The following PTPRK variants were observed in gnomAD, a reference collection of about 807,000 sequenced individuals.
PTPRK encodes protein tyrosine phosphatase receptor type K, also known as receptor-type tyrosine-protein phosphatase kappa.
PTPRK carries 75 observed loss-of-function variants against 178.0 expected under a neutral mutation model. The ratio of observed to expected loss-of-function variants is 0.42; its 90% CI spans 0.35 to 0.51. The LOEUF (loss-of-function observed/expected upper bound fraction) is 0.51. Ranked by LOEUF, PTPRK falls within the 20% of genes least tolerant of loss-of-function variation. The probability of loss-of-function intolerance (pLI) is 0.02; values close to 1 mark genes in which losing one functional copy is unlikely to be tolerated. For missense variants in PTPRK, 1,441 were observed against 1,797.8 expected (o/e 0.80, Z 3.59); for synonymous variants, 637 against 620.6 (o/e 1.03, Z -0.39).
At chr6:128,174,562 C>T (rs920199176) in intron 7 of PTPRK, among the ~76,000 whole-genome samples, 3 of 151,730 alleles carry the variant, frequency 2.0e-5, no homozygotes, top group Non-Finnish European at 4.4e-5. Flanking sequence ...AAATTTATTT[C>T]AAAATAATCA....
intron 8 of PTPRK, chr6:128,085,210 G>A (rs560672228): frequency 1.3e-5 from 2 of 152,306 alleles, no homozygotes; most frequent in African/African-American, 4.8e-5. Context: ...ATTGTCAGCC[G>A]AAGACTATGA....
chr6:128,302,878 C>A (rs546269663), intron 3 of PTPRK, among the ~76,000 whole-genome samples: 2 of 152,176 alleles, frequency 1.3e-5, no homozygotes, highest in South Asian at 4.1e-4. Context: ...AAACTTTGAG[C>A]CAATGGCACA....
At chr6:128,332,791 C>A (rs1016719730) in intron 2 of PTPRK, among the ~76,000 whole-genome samples, 1 of 152,114 alleles carries the variant, frequency 6.6e-6, no homozygotes, top group African/African-American at 2.4e-5. Flanking sequence ...TCCTCTATAA[C>A]CCTCCCTCTC....
intron 2 of PTPRK, among the ~76,000 whole-genome samples, chr6:128,389,947 GC>G (rs1399323795): frequency 6.6e-6 from 1 of 152,002 alleles, no homozygotes; most frequent in East Asian, 1.9e-4. Context: ...TCATTAAGTG[GC>G]TTACCCTTCA....
At chr6:128,036,397 G>A (rs1259687892) in intron 13 of PTPRK, among the ~76,000 whole-genome samples, 1 of 152,062 alleles carries the variant, frequency 6.6e-6, no homozygotes, top group African/African-American at 2.4e-5. Flanking sequence ...GGTAAGAAAT[G>A]ATAACAACAA....
intron 13 of PTPRK, among the ~76,000 whole-genome samples, chr6:128,039,957 G>A (rs1316704377): frequency 6.6e-6 from 1 of 152,112 alleles, no homozygotes; most frequent in Non-Finnish European, 1.5e-5. Context: ...ACATATTCAA[G>A]GGATGGTTGT....
At chr6:128,096,214 G>A (rs901316039) in intron 7 of PTPRK, among the ~76,000 whole-genome samples, 2 of 152,140 alleles carry the variant, frequency 1.3e-5, no homozygotes, top group South Asian at 2.1e-4. Context: ...TAACTTATGT[G>A]TTAAATGTTT....
intron 1 of PTPRK, among the ~76,000 whole-genome samples, chr6:128,485,423 T>C (rs1283917450): frequency 6.6e-6 from 1 of 152,162 alleles, no homozygotes; most frequent in East Asian, 1.9e-4. Flanking sequence ...ATCATTAAAA[T>C]GTTTTACCTA....
chr6:128,321,568 C>G (rs1828793190), intron 3 of PTPRK: 6 of 486,416 alleles, frequency 1.2e-5, no homozygotes, highest in Non-Finnish European at 2.1e-5. Flanking sequence ...AAATGCCTCC[C>G]CCTTAACATA....
chr6:128,061,077 A>G, intron 13 of PTPRK, among the ~76,000 whole-genome samples: 1 of 152,220 alleles, frequency 6.6e-6, no homozygotes, highest in Non-Finnish European at 1.5e-5. Flanking sequence ...GTATAAGACT[A>G]TTAAATCAGA....
intron 7 of PTPRK, among the ~76,000 whole-genome samples, chr6:128,133,683 T>C (rs555229295): frequency 5.9e-5 from 9 of 151,888 alleles, no homozygotes; most frequent in African/African-American, 1.9e-4. Flanking sequence ...AATACTTTCA[T>C]AGCTATCTGA....
chr6:128,149,297 TATA>T (rs535337212), intron 7 of PTPRK, among the ~76,000 whole-genome samples: 18 of 151,136 alleles, frequency 1.2e-4, no homozygotes, highest in South Asian at 6.3e-4. Context: ...GAACTTAAAG[TATA>T]ATAATAATAA....
At chr6:128,332,531 C>T (rs1266896351) in intron 2 of PTPRK, among the ~76,000 whole-genome samples, 1 of 152,232 alleles carries the variant, frequency 6.6e-6, no homozygotes, top group Non-Finnish European at 1.5e-5. Flanking sequence ...GTCTTCAATA[C>T]TTGTTCCTTT....
intron 1 of PTPRK, among the ~76,000 whole-genome samples, chr6:128,480,809 A>T (rs1033077996): frequency 5.3e-5 from 8 of 152,182 alleles, no homozygotes; most frequent in Non-Finnish European, 1.2e-4. Context: ...CCAATACCAC[A>T]TCAGCCACCC....
intron 7 of PTPRK, among the ~76,000 whole-genome samples, chr6:128,158,126 A>G (rs1227793340): frequency 6.6e-6 from 1 of 151,930 alleles, no homozygotes; most frequent in Admixed American, 6.6e-5. Flanking sequence ...AGGTGTAAGG[A>G]AGGGATCCAG....
intron 7 of PTPRK, among the ~76,000 whole-genome samples, chr6:128,107,852 G>C (rs1307113742): frequency 2.0e-5 from 3 of 152,136 alleles, no homozygotes; most frequent in Non-Finnish European, 4.4e-5. Flanking sequence ...GGCACCTCCT[G>C]ATGAGCAAGA....
intron 7 of PTPRK, among the ~76,000 whole-genome samples, chr6:128,124,651 AT>A (rs574112538): frequency 1.9e-4 from 28 of 149,516 alleles, no homozygotes; most frequent in South Asian, 1.3e-3. Flanking sequence ...GATGGTTATT[AT>A]TTTTTTTTTC....
intron 11 of PTPRK, 68 bp from the exon 12 acceptor site, chr6:128,067,860 AT>A (rs934048299): frequency 9.3e-6 from 13 of 1,392,562 alleles, no homozygotes; most frequent in Admixed American, 2.4e-5. Flanking sequence ...AGATACTAAG[AT>A]TTTTTTTAAG....
chr6:128,064,667 C>A, intron 13 of PTPRK, 91 bp downstream of exon 13: 1 of 1,466,292 alleles, frequency 6.8e-7, no homozygotes, highest in South Asian at 1.4e-5. Flanking sequence ...ACAGAAATGT[C>A]ATATTTAGCC....
Sources: gnomAD v4.1 joint callset for allele counts (sites outside exome capture counted in the v4.1 genomes callset) on GRCh38, gnomAD v4.1.1 for gene constraint, MANE v1.5 for transcripts, NCBI Gene and HGNC (gene_info 2026-07-23, HGNC 2026-07-21) for gene names.